Variants in DPP10 observed in about 807,000 individuals in gnomAD.
DPP10 encodes the protein dipeptidyl peptidase like 10.
A neutral mutation model predicts 120.9 loss-of-function variants in DPP10; 33 were observed. That is an observed-to-expected ratio of 0.27 (90% CI 0.21 to 0.37). The LOEUF (loss-of-function observed/expected upper bound fraction) is 0.37. Among genes scored for constraint, DPP10 ranks in the 10% least tolerant of loss-of-function variants. The pLI is 1.00. For synonymous variants in DPP10, 337 were observed against 326.1 expected (o/e 1.03, Z -0.36); for missense variants, 816 against 942.8 (o/e 0.87, Z 1.76).
intron 7 of DPP10, among the ~76,000 whole-genome samples, chr2:115,709,722 T>A (rs576417020): frequency 2.3e-4 from 34 of 150,690 alleles, no homozygotes; most frequent in African/African-American, 8.0e-4. Context: ...TCTGAAAAAA[T>A]TAAGAAATTT....
intron 1 of DPP10, among the ~76,000 whole-genome samples, chr2:114,658,687 T>C: frequency 6.6e-6 from 1 of 152,216 alleles, no homozygotes; most frequent in East Asian, 1.9e-4. Context: ...CAGACGTTTA[T>C]ACCCGGTATA....
chr2:115,840,648 A>G (rs1690046966), intron 24 of DPP10, 102 bp from the exon 25 acceptor site: 4 of 1,199,268 alleles, frequency 3.3e-6, no homozygotes, highest in Non-Finnish European at 3.6e-6. Context: ...TAAATGTGCA[A>G]TGTATGTAAA....
intron 1 of DPP10, among the ~76,000 whole-genome samples, chr2:115,175,316 T>C (rs894657764): frequency 1.3e-5 from 2 of 152,204 alleles, no homozygotes; most frequent in South Asian, 4.1e-4. Flanking sequence ...ACTTGTATCA[T>C]TTCCTGCTCC....
intron 5 of DPP10, among the ~76,000 whole-genome samples, chr2:115,605,576 G>T (rs2083650728): frequency 6.6e-6 from 1 of 152,040 alleles, no homozygotes; most frequent in Non-Finnish European, 1.5e-5. Context: ...ATGAACTACA[G>T]ATAAGAGGGG....
rs56394941 is a variant in DPP10, at chr2:115,328,903, G to C, written c.176-14914G>C. Among the ~76,000 whole-genome samples, 1,182 of 152,132 alleles carry C rather than the reference G, an allele frequency of 7.8e-3. 20 individuals carry two copies. The highest frequency in any genetic ancestry group is 0.027 in the African/African-American group (1,114 of 41,550). On this transcript the variant is annotated intron_variant, in intron 2 of 25. Transcript: ENST00000410059. ...TACCTGCTAGTGAAGGGTTGAATTA[G>C]GACTAAAATATGACCTTCTAACTCT...
At chr2:114,791,100 T>C (rs1284550367) in intron 1 of DPP10, among the ~76,000 whole-genome samples, 3 of 152,310 alleles carry the variant, frequency 2.0e-5, no homozygotes, top group Non-Finnish European at 4.4e-5. Context: ...TTCCATATTC[T>C]GGGAGTAAAG....
Position 115,303,853 on chromosome 2 carries a change from A to G in DPP10, c.61-5386A>G, listed in dbSNP as rs539922972. On this transcript the variant is annotated intron_variant, in intron 1 of 25. Coordinates refer to ENST00000410059, the MANE Select transcript of DPP10 (RefSeq NM_020868.6). ...AAGGAAATTTAAATTGAATTTCTATATCTCAAGGCTTTTCAAGCCAGAGCT... is the reference window on the plus strand; with the variant it reads ...AAGGAAATTTAAATTGAATTTCTATGTCTCAAGGCTTTTCAAGCCAGAGCT... 2.0e-5 allele frequency among the ~76,000 whole-genome samples: 3 copies of G among 152,104 alleles called. No individual in the cohort carries two copies. In the South Asian group the frequency reaches 6.2e-4, roughly 32 times the overall value.
chr2:114,855,973 C>T (rs2106508225), intron 1 of DPP10, among the ~76,000 whole-genome samples: 1 of 148,060 alleles, frequency 6.8e-6, no homozygotes, highest in Admixed American at 6.7e-5. Context: ...ACAGAACAAA[C>T]CGTTAACATT....
chr2:115,548,953 A>G (rs2079695897), intron 5 of DPP10, among the ~76,000 whole-genome samples: 2 of 152,114 alleles, frequency 1.3e-5, no homozygotes, highest in South Asian at 4.1e-4. Flanking sequence ...TACCTATCTA[A>G]CAAAGCTTGA....
rs2076565159 is a variant in DPP10 at position 115,499,411 on chromosome 2, A to G, written c.272-99A>G. ...GGGTTATTGAAGGCTAAAAATGATT[A>G]TTCTAATGTGTCTGTTTATTTTGCA... On this transcript the variant is annotated intron_variant, in intron 3 of 25. Transcript: ENST00000410059. 1.1e-5 allele frequency: 10 copies of G among 919,094 alleles called. No individual in the cohort carries two copies. In the South Asian group the frequency reaches 1.5e-4, roughly 14 times the overall value. 56.9% of individuals were successfully genotyped at this position (919,094 alleles called of 1,614,324 possible). A position where few individuals can be genotyped will look rare whatever the true frequency, so the allele number is the denominator to read the frequency against.
intron 1 of DPP10, among the ~76,000 whole-genome samples, chr2:114,772,778 T>C (rs1172515855): frequency 1.3e-5 from 2 of 152,132 alleles, no homozygotes; most frequent in African/African-American, 2.4e-5. Flanking sequence ...TTTCCTTTCA[T>C]GATTTTTTTA....
rs1333774936 is a variant in DPP10 at position 114,650,829 on chromosome 2, A to C, written c.60+207991A>C. ...ATAACTGCTTCAATAAACTCTCATT[A>C]AGGATTCCATTGAAGATACCATGTT... is the stretch of plus-strand genomic sequence containing the variant. On this transcript the variant is annotated intron_variant, in intron 1 of 25. Coordinates refer to ENST00000410059, the MANE Select transcript of DPP10 (RefSeq NM_020868.6). 3.3e-5 allele frequency among the ~76,000 whole-genome samples: 5 copies of C among 152,264 alleles called. No individual in the cohort carries two copies. The South Asian group carries it at 1.0e-3, about 32-fold the overall frequency.
At chr2:115,370,874 A>G (rs1045934940) in intron 3 of DPP10, among the ~76,000 whole-genome samples, 2 of 152,094 alleles carry the variant, frequency 1.3e-5, no homozygotes, top group African/African-American at 4.8e-5. Context: ...TGCTAGTCCC[A>G]GAACTAACTC....
At chr2:114,493,301 G>A (rs555779056) in intron 1 of DPP10, among the ~76,000 whole-genome samples, 2 of 152,272 alleles carry the variant, frequency 1.3e-5, no homozygotes, top group South Asian at 4.1e-4. Context: ...GGCAGAGAGA[G>A]AAAGGGCCAG....
At chr2:115,420,498 T>C (rs576289970) in intron 3 of DPP10, among the ~76,000 whole-genome samples, 1 of 149,460 alleles carries the variant, frequency 6.7e-6, no homozygotes, top group South Asian at 2.1e-4. Flanking sequence ...CTGGATTGTG[T>C]CAAACAGTTT....
intron 1 of DPP10, among the ~76,000 whole-genome samples, chr2:115,030,405 A>G (rs191718948): frequency 3.3e-5 from 5 of 152,304 alleles, no homozygotes; most frequent in Admixed American, 1.3e-4. Context: ...TTTGTCTCCT[A>G]GAGCAGAGTT....
At chr2:114,740,949 G>A (rs1344295623) in intron 1 of DPP10, among the ~76,000 whole-genome samples, 3 of 152,244 alleles carry the variant, frequency 2.0e-5, no homozygotes, top group East Asian at 3.9e-4. Context: ...TCTGTTGAGA[G>A]TTCCAAATTT....
At chr2:115,670,140 C>G (rs1051214915) in intron 5 of DPP10, among the ~76,000 whole-genome samples, 2 of 151,994 alleles carry the variant, frequency 1.3e-5, no homozygotes, top group African/African-American at 2.4e-5. Flanking sequence ...AGCACACTTT[C>G]TTGTTTCTCT....
At chr2:115,604,769 G>T (rs1038197297) in intron 5 of DPP10, among the ~76,000 whole-genome samples, 1 of 152,004 alleles carries the variant, frequency 6.6e-6, no homozygotes, top group Non-Finnish European at 1.5e-5. Flanking sequence ...GAGGTCATTT[G>T]CTTTTTGAAA....
Sources: allele counts gnomAD v4.1 joint callset (sites outside exome capture counted in the v4.1 genomes callset), GRCh38; gene constraint gnomAD v4.1.1; transcripts MANE v1.5; gene names NCBI Gene and HGNC (gene_info 2026-07-23, HGNC 2026-07-21).